Variants in RBBP8 observed in about 807,000 individuals in gnomAD.
RBBP8 encodes RB binding protein 8, endonuclease.
Under a neutral mutation model 108.3 loss-of-function variants are expected in RBBP8, and 88 were observed. The observed-to-expected ratio is 0.81, with a 90% CI of 0.68 to 0.97. The LOEUF is 0.97. RBBP8 is among the 50% of genes least tolerant of loss of function. The pLI, the probability that RBBP8 is intolerant of heterozygous loss-of-function variation, is 0.00. For synonymous variants in RBBP8, 332 were observed against 348.2 expected (o/e 0.95, Z 0.52); for missense variants, 1,023 against 1,049.0 (o/e 0.98, Z 0.34).
chr18:22,959,429 G>A (rs569323258), intron 4 of RBBP8, among the ~76,000 whole-genome samples: 1 of 152,038 alleles, frequency 6.6e-6, no homozygotes, highest in Non-Finnish European at 1.5e-5. Context: ...GTGTGTGTGT[G>A]TTTCCTTCAT....
intron 16 of RBBP8, among the ~76,000 whole-genome samples, chr18:23,009,045 T>A (rs1002570384): frequency 3.3e-5 from 5 of 152,162 alleles, no homozygotes; most frequent in Admixed American, 1.3e-4. Flanking sequence ...AGTGCTGGGA[T>A]TACAGGCGTG....
upstream of RBBP8, chr18:22,929,523 G>GGGGTGTGTGT (rs371099146): frequency 2.5e-5 from 3 of 118,650 alleles, no homozygotes; most frequent in South Asian, 2.8e-4. Flanking sequence ...GAGACAGGCG[G>GGGGTGTGTGT]GTGTGTGTGT....
intron 4 of RBBP8, among the ~76,000 whole-genome samples, chr18:22,959,583 A>G (rs1368887123): frequency 6.6e-6 from 1 of 151,538 alleles, no homozygotes; most frequent in Non-Finnish European, 1.5e-5. Flanking sequence ...CTTTTCTCTT[A>G]TTTTCTATTA....
At chr18:22,928,201 C>CAA (rs369797539) in intron 3 of RBBP8, among the ~76,000 whole-genome samples, 2 of 110,198 alleles carry the variant, frequency 1.8e-5, no homozygotes, top group Non-Finnish European at 3.9e-5. Context: ...ACTTTGTCTC[C>CAA]AAAAAAAAAA....
chr18:22,956,884 C>G (rs539335757), intron 4 of RBBP8, among the ~76,000 whole-genome samples: 3 of 151,956 alleles, frequency 2.0e-5, no homozygotes, highest in African/African-American at 7.2e-5. Context: ...ACTTTCCTTC[C>G]AGGAACTAAA....
intron 4 of RBBP8, 94 bp from the exon 5 acceptor site, chr18:22,968,712 C>A: frequency 1.0e-6 from 1 of 963,250 alleles, no homozygotes; most frequent in Non-Finnish European, 1.6e-6. Flanking sequence ...ACAGTATTTG[C>A]CAAGTCAGTT....
intron 4 of RBBP8, among the ~76,000 whole-genome samples, chr18:22,963,398 TCTGTTGTC>T (rs1490213340): frequency 6.6e-6 from 1 of 152,308 alleles, no homozygotes; most frequent in East Asian, 1.9e-4. Context: ...TATGCAAATT[TCTGTTGTC>T]CATAGTGTTT....
In RBBP8 at chr18:22,993,107, A is replaced by G. The variant is rs774111360; in HGVS notation, c.1280A>G (p.Asp427Gly). Residue 427 changes from aspartate to glycine, a missense_variant, in exon 11 of 19, where the codon GAT (aspartate) becomes GGT (glycine). Coordinates refer to ENST00000327155, the MANE Select transcript of RBBP8 (RefSeq NM_002894.3). ...CAGAATAGGACTGAGTACGGTAAAG[A>G]TTCTAACACTGATAAACATTTGGAG... The part of the protein sequence containing the change: ...GEQNRTEYGK[D>G]SNTDKHLEPL... The G allele has an allele frequency of 6.2e-7, 1 of 1,614,084 alleles. No homozygotes were observed. The highest frequency in any genetic ancestry group is 1.7e-5 in the Admixed American group (1 of 60,016).
In RBBP8 at chr18:23,003,885, C is replaced by T. The variant is rs149952855; in HGVS notation, c.2287+2156C>T. Among the ~76,000 whole-genome samples, 746 of 151,738 alleles carry T rather than the reference C, an allele frequency of 4.9e-3. 6 individuals are homozygous for T. Among genetic ancestry groups the T allele is most frequent in the African/African-American group, 0.017 (717 of 41,424 alleles). ...CATCCTGGCTAACACGCTGAAACCC[C>T]GTCTCCTGAAAATACAAAAAAATTA... On this transcript the variant is annotated intron_variant, in intron 15 of 18. Transcript: ENST00000327155.
chr18:22,992,811 T>C lies in RBBP8; in HGVS notation c.984T>C (p.Pro328=), dbSNP rs201164624. 1.7e-5 allele frequency: 27 copies of C among 1,608,116 alleles called. No homozygotes were observed. In the East Asian group the frequency reaches 5.8e-4, roughly 35 times the overall value. Residue 328 remains proline, a synonymous_variant, in exon 11 of 19, where the codon CCT becomes CCC. Transcript: ENST00000327155. The stretch of plus-strand genomic sequence containing the variant: ...AATTACCTACTCGAGTGTCATCTCC[T>C]GTATTTGGAGCTACCTCTAGTATCA... ...QEELPTRVSS[P]VFGATSSIKS... is the part of the protein sequence containing the mutation.
chr18:22,970,105 A>G lies in RBBP8; in HGVS notation c.361+1187A>G, dbSNP rs534589944. 3.3e-5 allele frequency among the ~76,000 whole-genome samples: 5 copies of G among 152,342 alleles called. No individual in the cohort carries two copies. The South Asian group carries it at 1.0e-3, about 32-fold the overall frequency. On this transcript the variant is annotated intron_variant, in intron 5 of 18. Coordinates refer to ENST00000327155, the MANE Select transcript of RBBP8 (RefSeq NM_002894.3). ...ACTTTAAATCATCTCTAGATTCCTT[A>G]TAATACCAAATGCAGTCTCTACGCA...
At chr18:22,932,032 A>T (rs1341941776), upstream of RBBP8, among the ~76,000 whole-genome samples, 4 of 152,290 alleles carry the variant, frequency 2.6e-5, no homozygotes, top group Non-Finnish European at 5.9e-5. Flanking sequence ...GGATGGATTT[A>T]CATGTTTAGT....
At chr18:23,002,907 G>A (rs1458013154) in intron 15 of RBBP8, among the ~76,000 whole-genome samples, 1 of 152,090 alleles carries the variant, frequency 6.6e-6, no homozygotes, top group African/African-American at 2.4e-5. Flanking sequence ...CAGCTGTTCG[G>A]TATCCTTTTT....
intron 18 of RBBP8, among the ~76,000 whole-genome samples, chr18:23,022,651 T>TAAAAAA (rs370599195): frequency 1.2e-5 from 1 of 84,364 alleles, no homozygotes; most frequent in African/African-American, 5.8e-5. Context: ...TAAAATACAA[T>TAAAAAA]ATAAAATAAA....
At chr18:23,019,458 C>G (rs2046312432) in intron 17 of RBBP8, among the ~76,000 whole-genome samples, 1 of 152,150 alleles carries the variant, frequency 6.6e-6, no homozygotes, top group African/African-American at 2.4e-5. Flanking sequence ...GCTTACAGTT[C>G]TTAAATTTAT....
At chr18:22,962,366 G>T (rs1030852289) in intron 4 of RBBP8, among the ~76,000 whole-genome samples, 1 of 151,918 alleles carries the variant, frequency 6.6e-6, no homozygotes, top group Non-Finnish European at 1.5e-5. Flanking sequence ...ACCTGTAACA[G>T]TCTCTTGCAG....
intron 14 of RBBP8, among the ~76,000 whole-genome samples, chr18:23,000,357 T>C (rs889338996): frequency 2.0e-5 from 3 of 152,216 alleles, no homozygotes; most frequent in Non-Finnish European, 4.4e-5. Context: ...GTGTCAAATA[T>C]GGCATTGAAT....
intron 4 of RBBP8, among the ~76,000 whole-genome samples, chr18:22,955,551 C>T (rs1251365647): frequency 6.6e-6 from 1 of 151,380 alleles, no homozygotes; most frequent in Non-Finnish European, 1.5e-5. Context: ...CCCAGGATCA[C>T]ATAGTTAATA....
chr18:22,988,427 T>C (rs959238039), intron 8 of RBBP8, among the ~76,000 whole-genome samples: 2 of 152,182 alleles, frequency 1.3e-5, no homozygotes, highest in Admixed American at 1.3e-4. Flanking sequence ...ACAAGCAATT[T>C]TGTTTCACTT....
Sources: gnomAD v4.1 joint callset for allele counts (sites outside exome capture counted in the v4.1 genomes callset) on GRCh38, gnomAD v4.1.1 for gene constraint, MANE v1.5 for transcripts, NCBI Gene and HGNC (gene_info 2026-07-23, HGNC 2026-07-21) for gene names.